SCN11A: variants seen among roughly 807,000 people sequenced by gnomAD.
SCN11A encodes sodium voltage-gated channel alpha subunit 11.
A neutral mutation model predicts 162.2 loss-of-function variants in SCN11A; 122 were observed. That is an observed-to-expected ratio of 0.75 (90% confidence interval 0.65 to 0.87). The LOEUF is 0.87. SCN11A is among the 40% of genes least tolerant of loss of function. SCN11A has a pLI of 0.00. For synonymous variants in SCN11A, 758 were observed against 751.5 expected (o/e 1.01, Z -0.14); for missense variants, 2,015 against 2,181.6 (o/e 0.92, Z 1.52).
intron 2 of SCN11A, among the ~76,000 whole-genome samples, chr3:38,971,989 C>T (rs2066819641): frequency 6.6e-6 from 1 of 152,098 alleles, no homozygotes; most frequent in East Asian, 1.9e-4. Context: ...GGAAGAAGCA[C>T]TCACTAAAAG....
chr3:38,884,261 C>T (rs769032933), intron 21 of SCN11A, among the ~76,000 whole-genome samples: 6 of 151,512 alleles, frequency 4.0e-5, no homozygotes, highest in African/African-American at 7.3e-5. Context: ...TTTGATAAAA[C>T]CACCTTTCTT....
At chr3:38,938,085 A>G (rs1041847794) in intron 7 of SCN11A, among the ~76,000 whole-genome samples, 10 of 152,186 alleles carry the variant, frequency 6.6e-5, no homozygotes, top group South Asian at 2.1e-4. Context: ...TTGTAGGGAC[A>G]TGGATGAAAT....
chr3:38,885,338 C>T lies in SCN11A; in HGVS notation c.3014G>A (p.Trp1005Ter), dbSNP rs41285132. The change falls in exon 21 of 30, where the codon TGG (tryptophan) becomes TAG (stop). Residue 1005 changes from tryptophan to a stop codon, truncating the protein, a stop_gained. Transcript: ENST00000302328. LOFTEE classifies it high-confidence loss of function. ...CTTTTTGGGAACCATCTCAGGTAAC[C>T]ATCCAAAGCCATCCTGAAGATCAAT... is the stretch of plus-strand genomic sequence containing the variant. ...STIDLQDGFG[W>*]LPEMVPKKQP... The T allele has an allele frequency of 9.2e-5, 148 of 1,613,552 alleles. 1 individual carries two copies. Among genetic ancestry groups the T allele is most frequent in the Non-Finnish European group, 1.2e-4 (144 of 1,179,602 alleles).
intron 1 of SCN11A, among the ~76,000 whole-genome samples, chr3:39,045,572 G>C (rs952816005): frequency 6.6e-6 from 1 of 152,044 alleles, no homozygotes; most frequent in Non-Finnish European, 1.5e-5. Flanking sequence ...ATGCAGAAAA[G>C]GCATTCGATA....
chr3:38,865,282 C>T (rs891959558), intron 27 of SCN11A, among the ~76,000 whole-genome samples: 4 of 152,098 alleles, frequency 2.6e-5, no homozygotes, highest in African/African-American at 4.8e-5. Context: ...TTGTTCAAAA[C>T]GATGATTTCT....
At chr3:38,996,597 G>A (rs1362574155) in intron 2 of SCN11A, among the ~76,000 whole-genome samples, 1 of 152,110 alleles carries the variant, frequency 6.6e-6, no homozygotes, top group Non-Finnish European at 1.5e-5. Flanking sequence ...TTGAACTTGA[G>A]ACCCTACTTT....
At chr3:38,957,862 G>A (rs73828756) in intron 3 of SCN11A, among the ~76,000 whole-genome samples, 2,415 of 152,296 alleles carry the variant, frequency 0.016, 67 homozygotes, top group African/African-American at 0.056. Context: ...TCCAATCTGT[G>A]GAGACCAGGT....
intron 7 of SCN11A, among the ~76,000 whole-genome samples, chr3:38,938,551 T>TA (rs1491267271): frequency 1.4e-3 from 16 of 11,122 alleles, no homozygotes; most frequent in Non-Finnish European, 2.1e-3. Flanking sequence ...TATATATATA[T>TA]TTTTTTTTTT....
intron 2 of SCN11A, among the ~76,000 whole-genome samples, chr3:38,963,866 C>T (rs2066763688): frequency 6.6e-6 from 1 of 152,116 alleles, no homozygotes; most frequent in Non-Finnish European, 1.5e-5. Context: ...ACCCCAATAA[C>T]TTACAGAAAA....
intron 2 of SCN11A, among the ~76,000 whole-genome samples, chr3:39,032,081 C>T (rs2031774729): frequency 6.6e-6 from 1 of 152,268 alleles, no homozygotes; most frequent in Middle Eastern, 3.4e-3. Flanking sequence ...TCCCCCTGTA[C>T]TTCTAAATAT....
intron 13 of SCN11A, 46 bp from the exon 14 acceptor site, chr3:38,908,168 A>T (rs372906474): frequency 2.0e-5 from 31 of 1,553,060 alleles, no homozygotes; most frequent in Non-Finnish European, 2.7e-5. Context: ...ACACCTCCTC[A>T]TGAAACATTG....
chr3:38,947,766 A>C (rs1393424567), intron 5 of SCN11A, among the ~76,000 whole-genome samples: 1 of 151,884 alleles, frequency 6.6e-6, no homozygotes, highest in Non-Finnish European at 1.5e-5. Context: ...CCACCTCCAG[A>C]CCTCCCTTTT....
chr3:38,910,732 G>T (rs894536980), intron 11 of SCN11A, among the ~76,000 whole-genome samples: 2 of 151,942 alleles, frequency 1.3e-5, no homozygotes, highest in African/African-American at 4.8e-5. Context: ...CATGTCTATA[G>T]TTCTATGATT....
chr3:38,938,536 ATATATATATATATATTTTTTTTTTTTTTT>A (rs1394529456), intron 7 of SCN11A, among the ~76,000 whole-genome samples: 199 of 23,522 alleles, frequency 8.5e-3, no homozygotes, highest in African/African-American at 0.029. Context: ...ATATATATAT[ATATATATATATATATTTTTTTTTTTTTTT>A]TTTTTTTTTT....
chr3:39,004,311 G>T (rs1227872323), intron 2 of SCN11A, among the ~76,000 whole-genome samples: 4 of 152,042 alleles, frequency 2.6e-5, no homozygotes, highest in African/African-American at 9.7e-5. Context: ...TGTCAGCTTT[G>T]TCAAAAAACA....
chr3:39,042,957 CAAAAAAA>C (rs561204433), intron 1 of SCN11A, among the ~76,000 whole-genome samples: 26 of 66,016 alleles, frequency 3.9e-4, no homozygotes, highest in South Asian at 1.4e-3. Flanking sequence ...AACTCCATCT[CAAAAAAA>C]AAAAAAAAAA....
At chr3:38,921,302 G>A (rs754412911) in intron 9 of SCN11A, 47 bp from the exon 10 acceptor site, 1 of 1,581,488 alleles carries the variant, frequency 6.3e-7, no homozygotes, top group East Asian at 2.2e-5. Flanking sequence ...CCCTCAGCCA[G>A]ACACTCACAA....
intron 2 of SCN11A, among the ~76,000 whole-genome samples, chr3:38,997,735 T>C (rs1205570491): frequency 6.6e-6 from 1 of 152,218 alleles, no homozygotes; most frequent in African/African-American, 2.4e-5. Context: ...GATAAATGAA[T>C]GTGGAATCTC....
At chr3:38,899,137 G>C (rs1371477434) in intron 17 of SCN11A, among the ~76,000 whole-genome samples, 1 of 151,990 alleles carries the variant, frequency 6.6e-6, no homozygotes, top group Non-Finnish European at 1.5e-5. Flanking sequence ...CTTTGAAAGG[G>C]GACAAAATCC....
Sources: gnomAD v4.1 joint callset for allele counts (sites outside exome capture counted in the v4.1 genomes callset) on GRCh38, gnomAD v4.1.1 for gene constraint, MANE v1.5 for transcripts, NCBI Gene and HGNC (gene_info 2026-07-23, HGNC 2026-07-21) for gene names.